The following UVSSA variants were observed in gnomAD, a reference collection of about 807,000 sequenced individuals.
The protein encoded by UVSSA is UV stimulated scaffold protein A.
In UVSSA, 72 loss-of-function variants were observed where a neutral mutation model predicts 73.9. The ratio of observed to expected loss-of-function variants is 0.97; its 90% confidence interval spans 0.81 to 1.19. The LOEUF (loss-of-function observed/expected upper bound fraction) is 1.19, where lower values mean the gene tolerates loss of function less well. Among genes scored for constraint, UVSSA ranks in the 50% most tolerant of loss-of-function variants. The pLI is 0.00. For synonymous variants in UVSSA, 454 were observed against 391.3 expected (o/e 1.16, Z -1.89); for missense variants, 1,150 against 965.0 (o/e 1.19, Z -2.54).
Position 1,386,379 on chromosome 4 carries a change from T to C in UVSSA, c.*418T>C, listed in dbSNP as rs1320737082. ...GAAACCCACTTTTGTGCAAATGCTG[T>C]TTTTAACACAAACACAAAGGCTAGT... On this transcript the variant is annotated 3_prime_UTR_variant, in exon 14 of 14. Coordinates refer to ENST00000389851, the MANE Select transcript of UVSSA (RefSeq NM_020894.4). 1 of 176,626 alleles carries C rather than the reference T, an allele frequency of 5.7e-6. No homozygotes were observed. Among genetic ancestry groups the C allele is most frequent in the African/African-American group, 2.4e-5 (1 of 42,302 alleles). 10.9% of individuals were successfully genotyped at this position (176,626 alleles called of 1,614,324 possible). A position where few individuals can be genotyped will look rare whatever the true frequency, so the allele number is the denominator to read the frequency against.
Position 1,353,204 on chromosome 4 carries a change from C to A in UVSSA, c.725C>A (p.Thr242Asn), listed in dbSNP as rs765958000. 1 of 1,612,604 alleles carries A rather than the reference C, an allele frequency of 6.2e-7. No homozygotes were observed. Reference protein sequence around the residue: ...AGQVGPCRSGTPDPRDGEQPC... With the variant: ...AGQVGPCRSGNPDPRDGEQPC... Reference sequence around the variant, plus strand: ...CAGGTGGGCCCCTGCCGGTCTGGCACCCCTGACCCCCGGGACGGGGAGCAG... The same window carrying A: ...CAGGTGGGCCCCTGCCGGTCTGGCAACCCTGACCCCCGGGACGGGGAGCAG... The change falls in exon 5 of 14, where the codon ACC (threonine) becomes AAC (asparagine). Residue 242 changes from threonine (T) to asparagine (N), a missense_variant. Coordinates refer to ENST00000389851, the MANE Select transcript of UVSSA (RefSeq NM_020894.4).
chr4:1,347,922 G>C (rs757616808), intron 1 of UVSSA, 162 bp downstream of exon 1: 1 of 629,816 alleles, frequency 1.6e-6, no homozygotes, highest in Non-Finnish European at 2.8e-6. Context: ...CGCCGTAAAG[G>C]CCTTGCTGGA....
intron 7 of UVSSA, among the ~76,000 whole-genome samples, chr4:1,355,746 C>G (rs147502912): frequency 1.3e-3 from 197 of 152,272 alleles, no homozygotes; most frequent in African/African-American, 4.4e-3. Context: ...CACTGCACTT[C>G]CCTGAGCAGG....
exon 14 of UVSSA, chr4:1,393,983 A>C: frequency 4.9e-6 from 1 of 203,100 alleles, no homozygotes; most frequent in Non-Finnish European, 1.0e-5. Flanking sequence ...GCCGACACGC[A>C]GTTGATGCAT....
chr4:1,375,636 T>G (rs963219349), intron 9 of UVSSA, 128 bp downstream of exon 9: 2 of 1,417,848 alleles, frequency 1.4e-6, no homozygotes, highest in East Asian at 2.4e-5. Flanking sequence ...GCCTTGGGTG[T>G]GTACCCCCGG....
At chr4:1,349,486 GT>G (rs772432768) in intron 2 of UVSSA, 37 bp from the exon 3 acceptor site, 15 of 1,590,960 alleles carry the variant, frequency 9.4e-6, no homozygotes, top group Non-Finnish European at 1.3e-5. Flanking sequence ...CATCCTCTGC[GT>G]GTGGGGCAGT....
chr4:1,350,971 T>C (rs1179162205), intron 3 of UVSSA, among the ~76,000 whole-genome samples: 1 of 152,214 alleles, frequency 6.6e-6, no homozygotes, highest in Admixed American at 6.5e-5. Context: ...AGTGGCGCGA[T>C]CTCGGCTCAC....
chr4:1,363,879 C>T (rs1716971745), intron 7 of UVSSA, among the ~76,000 whole-genome samples: 1 of 152,386 alleles, frequency 6.6e-6, no homozygotes, highest in South Asian at 2.1e-4. Context: ...TCCTGTGCTT[C>T]CCAGATGCTC....
intron 13 of UVSSA, 153 bp downstream of exon 13, chr4:1,384,093 C>T (rs952036700): frequency 3.1e-6 from 3 of 973,748 alleles, no homozygotes; most frequent in African/African-American, 1.6e-5. Context: ...CCAGCCTTTC[C>T]CCGGGGAGGG....
Position 1,387,396 on chromosome 4 carries a change from C to T in UVSSA, c.*1435C>T, listed in dbSNP as rs1330089752. The stretch of plus-strand genomic sequence containing the variant: ...CAGCTGATTTGCAAAAACTTTCTTC[C>T]ATACTGTTGTTTCACTTTCTGGATA... On this transcript the variant is annotated 3_prime_UTR_variant, in exon 14 of 14. Coordinates refer to ENST00000389851, the MANE Select transcript of UVSSA (RefSeq NM_020894.4). 1 of 152,212 alleles carries T rather than the reference C, an allele frequency of 6.6e-6. No individual in the cohort carries two copies. Among genetic ancestry groups the T allele is most frequent in the Non-Finnish European group, 1.5e-5 (1 of 68,032 alleles). The allele number at this position is 152,212 out of a possible 1,614,324, so 9.4% of individuals were successfully genotyped here.
At chr4:1,357,321 C>T (rs1197085694) in intron 7 of UVSSA, among the ~76,000 whole-genome samples, 1 of 152,256 alleles carries the variant, frequency 6.6e-6, no homozygotes, top group African/African-American at 2.4e-5. Context: ...CTGGCACAGT[C>T]CTTTAGTACC....
chr4:1,372,292 G>T (rs1718148189), intron 8 of UVSSA, among the ~76,000 whole-genome samples: 1 of 152,194 alleles, frequency 6.6e-6, no homozygotes, highest in Non-Finnish European at 1.5e-5. Flanking sequence ...GTTAACGGTT[G>T]TTACGAAGTC....
upstream of UVSSA, among the ~76,000 whole-genome samples, chr4:1,342,828 T>G (rs971584963): frequency 1.3e-5 from 2 of 152,242 alleles, no homozygotes; most frequent in African/African-American, 4.8e-5. Flanking sequence ...CACTACCTTC[T>G]GTTAGACTGG....
In UVSSA at chr4:1,367,468, A is replaced by G. The variant is rs988766213; in HGVS notation, c.1288+1037A>G. On this transcript the variant is annotated intron_variant, in intron 8 of 13. Transcript: ENST00000389851. ...CAACTCATGTGTGAAGATATGACCC[A>G]TTAAGGGTGTCATGCCGAATTAGCA... is the stretch of plus-strand genomic sequence containing the variant. Among the ~76,000 whole-genome samples, 27 of 152,194 alleles carry G rather than the reference A, an allele frequency of 1.8e-4. 1 individual carries two copies. Among genetic ancestry groups the G allele is most frequent in the African/African-American group, 4.8e-4 (20 of 41,454 alleles).
rs1364527812 is a variant in UVSSA, at chr4:1,354,704, C to A, written c.935-31C>A. ...GCCTGTGGGAGACGCCAGTCGGCGC[C>A]CTCTTGTGACCTCTGTGTGCTTCTC... On this transcript the variant is annotated intron_variant, in intron 5 of 13. Transcript: ENST00000389851. The A allele has an allele frequency of 1.9e-6, 3 of 1,601,730 alleles. No homozygotes were observed. The African/African-American group carries it at 4.0e-5, about 21-fold the overall frequency.
intron 7 of UVSSA, among the ~76,000 whole-genome samples, chr4:1,363,056 A>G (rs1311448790): frequency 6.6e-6 from 1 of 152,214 alleles, no homozygotes; most frequent in East Asian, 1.9e-4. Context: ...AGCAGCTTTC[A>G]GCCTTGCATT....
intron 12 of UVSSA, among the ~76,000 whole-genome samples, chr4:1,382,439 G>C (rs1719617130): frequency 1.3e-5 from 2 of 152,232 alleles, no homozygotes; most frequent in Non-Finnish European, 1.5e-5. Context: ...GCTAACCTCA[G>C]TGACAATGTG....
At position 1,380,134 on chromosome 4, in the gene UVSSA, C is replaced by G; in HGVS notation, c.1656C>G (p.Arg552=). 1.9e-6 allele frequency: 3 copies of G among 1,613,300 alleles called. No homozygotes were observed. Among genetic ancestry groups the G allele is most frequent in the Non-Finnish European group, 2.5e-6 (3 of 1,180,016 alleles). The change falls in exon 11 of 14, where the codon CGC becomes CGG. Residue 552 remains arginine (R), a synonymous_variant. Coordinates refer to ENST00000389851, the MANE Select transcript of UVSSA (RefSeq NM_020894.4). ...NADISEMLRS[R]HITFAGKFEP... Reference sequence around the variant, plus strand: ...ACATCTCCGAGATGCTCCGGAGCCGCCACATCACTTTTGCCGGGAAGTTTG... The same window carrying G: ...ACATCTCCGAGATGCTCCGGAGCCGGCACATCACTTTTGCCGGGAAGTTTG...
upstream of UVSSA, among the ~76,000 whole-genome samples, chr4:1,346,483 G>C (rs1296566650): frequency 2.6e-5 from 4 of 152,216 alleles, no homozygotes; most frequent in African/African-American, 2.4e-5. Flanking sequence ...TGCGGACTTC[G>C]GCGGCAGGAC....
Sources: gnomAD v4.1 joint callset for allele counts (sites outside exome capture counted in the v4.1 genomes callset) on GRCh38, gnomAD v4.1.1 for gene constraint, MANE v1.5 for transcripts, NCBI Gene and HGNC (gene_info 2026-07-23, HGNC 2026-07-21) for gene names.